Variants in MGAT4C observed in about 807,000 individuals in gnomAD.
MGAT4C encodes the protein MGAT4 family member C.
A neutral mutation model predicts 40.1 loss-of-function variants in MGAT4C; 19 were observed. That is an observed-to-expected ratio of 0.47 (90% CI 0.33 to 0.70). The LOEUF is 0.70. Ranked by LOEUF, MGAT4C falls within the 30% of genes least tolerant of loss-of-function variation. The pLI is 0.02. For missense variants in MGAT4C, 491 were observed against 563.2 expected, an observed-to-expected ratio of 0.87 and a Z score of 1.30; for synonymous variants, 181 against 187.1, an observed-to-expected ratio of 0.97 and a Z score of 0.27.
intron 2 of MGAT4C, chr12:86,001,486 G>A (rs1887288674): frequency 3.6e-6 from 1 of 275,048 alleles, no homozygotes; most frequent in South Asian, 1.4e-4. Context: ...AGAATCCCAA[G>A]CACCTACCTT....
chr12:86,757,113 A>G (rs534022488), intron 1 of MGAT4C, among the ~76,000 whole-genome samples: 2 of 152,072 alleles, frequency 1.3e-5, no homozygotes, highest in African/African-American at 4.8e-5. Flanking sequence ...AACTATCATA[A>G]GAACAGAAAA....
chr12:86,459,538 C>T (rs1002051663), intron 2 of MGAT4C, among the ~76,000 whole-genome samples: 5 of 151,902 alleles, frequency 3.3e-5, no homozygotes, highest in African/African-American at 1.2e-4. Flanking sequence ...CTCACTCATG[C>T]GGTCATAAGG....
At chr12:86,497,596 T>C (rs1171782598) in intron 2 of MGAT4C, among the ~76,000 whole-genome samples, 5 of 151,648 alleles carry the variant, frequency 3.3e-5, no homozygotes, top group Non-Finnish European at 7.4e-5. Context: ...TATATGACAG[T>C]GTCAGGGCAC....
At chr12:86,218,044 C>T (rs1004998908) in intron 1 of MGAT4C, among the ~76,000 whole-genome samples, 8 of 151,592 alleles carry the variant, frequency 5.3e-5, no homozygotes, top group African/African-American at 9.7e-5. Flanking sequence ...TCTGCTAAAA[C>T]GAGAACTTTT....
In MGAT4C at chr12:86,424,434, G is replaced by A. The variant is rs112064183; in HGVS notation, c.-120+10723C>T. Among the ~76,000 whole-genome samples the A allele has an allele frequency of 5.8e-3, 880 of 152,166 alleles. 7 individuals carry two copies. The highest frequency in any genetic ancestry group is 0.02 in the African/African-American group (844 of 41,516). On this transcript the variant is annotated intron_variant, in intron 3 of 7. Transcript: ENST00000548651. ...TAAAATTTCTTACCTTTCTTTTGAT[G>A]TGAAAAAATGTTGGCTATATACTTC...
chr12:86,690,542 CA>C (rs1950154847), intron 2 of MGAT4C, among the ~76,000 whole-genome samples: 1 of 152,140 alleles, frequency 6.6e-6, no homozygotes, highest in Non-Finnish European at 1.5e-5. Context: ...CACAGTCCCT[CA>C]AGGGTTCCCT....
intron 2 of MGAT4C, among the ~76,000 whole-genome samples, chr12:86,445,063 A>T (rs1053387439): frequency 6.6e-6 from 1 of 152,174 alleles, no homozygotes; most frequent in African/African-American, 2.4e-5. Flanking sequence ...ATTGCAAAGG[A>T]TCACAAAATT....
intron 2 of MGAT4C, among the ~76,000 whole-genome samples, chr12:86,540,731 A>G (rs898964096): frequency 2.0e-4 from 31 of 151,930 alleles, no homozygotes; most frequent in Admixed American, 1.9e-3. Context: ...GTGAGACTCC[A>G]TCTCCAGAAA....
intron 1 of MGAT4C, among the ~76,000 whole-genome samples, chr12:86,819,783 A>G (rs199971993): frequency 6.6e-6 from 1 of 150,756 alleles, no homozygotes; most frequent in East Asian, 1.9e-4. Context: ...TCATAATTAT[A>G]ATAATGATTA....
In MGAT4C at chr12:85,980,984, G is replaced by A. The variant is rs1010395295; in HGVS notation, c.296-554C>T. On this transcript the variant is annotated intron_variant, in intron 4 of 4. Coordinates refer to ENST00000611864, the MANE Select transcript of MGAT4C (RefSeq NM_001351288.2). ...TATTTTCAGTTTTCTTTTTTTTGCTGTCATTATGTTGTACTAGAATTCGTA... is the reference window on the plus strand; with the variant it reads ...TATTTTCAGTTTTCTTTTTTTTGCTATCATTATGTTGTACTAGAATTCGTA... 1.2e-4 allele frequency among the ~76,000 whole-genome samples: 18 copies of A among 151,732 alleles called. No homozygotes were observed. In the South Asian group the frequency reaches 3.7e-3, roughly 32 times the overall value.
intron 4 of MGAT4C, among the ~76,000 whole-genome samples, chr12:86,287,922 C>T (rs1953397058): frequency 6.6e-6 from 1 of 152,182 alleles, no homozygotes; most frequent in Admixed American, 6.5e-5. Context: ...GAGGAATTGC[C>T]ACACTGTCTT....
intron 2 of MGAT4C, among the ~76,000 whole-genome samples, chr12:86,481,855 A>G (rs187982985): frequency 2.6e-5 from 4 of 151,958 alleles, no homozygotes; most frequent in African/African-American, 9.6e-5. Flanking sequence ...GGCCTCAAGC[A>G]ATTCTCCCAT....
intron 1 of MGAT4C, among the ~76,000 whole-genome samples, chr12:86,737,984 G>A (rs1413463098): frequency 6.6e-6 from 1 of 151,414 alleles, no homozygotes; most frequent in Non-Finnish European, 1.5e-5. Flanking sequence ...TTAAACTTAG[G>A]ACAGATCACA....
intron 1 of MGAT4C, among the ~76,000 whole-genome samples, chr12:86,104,865 T>TG (rs1298587220): frequency 1.3e-5 from 2 of 151,656 alleles, no homozygotes; most frequent in Non-Finnish European, 2.9e-5. Context: ...AAACCTGATT[T>TG]TTTTTTAACA....
At chr12:86,463,233 T>TA (rs556059957) in intron 2 of MGAT4C, among the ~76,000 whole-genome samples, 174 of 152,272 alleles carry the variant, frequency 1.1e-3, no homozygotes, top group African/African-American at 4.1e-3. Flanking sequence ...AGAATTTCTT[T>TA]AAAAAATCAC....
intron 2 of MGAT4C, among the ~76,000 whole-genome samples, chr12:86,616,541 G>A (rs1242705589): frequency 6.6e-6 from 1 of 152,024 alleles, no homozygotes; most frequent in Admixed American, 6.6e-5. Context: ...TATATCATGA[G>A]CAGAAAATGT....
intron 3 of MGAT4C, among the ~76,000 whole-genome samples, chr12:86,389,867 G>A (rs968534967): frequency 4.0e-5 from 6 of 151,880 alleles, no homozygotes; most frequent in African/African-American, 4.8e-5. Context: ...TTTCTCTCTC[G>A]GGGATACAGC....
At chr12:86,088,722 C>T (rs1262418624) in intron 1 of MGAT4C, among the ~76,000 whole-genome samples, 3 of 151,750 alleles carry the variant, frequency 2.0e-5, no homozygotes, top group African/African-American at 7.3e-5. Context: ...AATAGGGCTA[C>T]TATTAAAAGT....
At chr12:86,127,969 A>G (rs1418916969) in intron 1 of MGAT4C, among the ~76,000 whole-genome samples, 1 of 152,242 alleles carries the variant, frequency 6.6e-6, no homozygotes, top group African/African-American at 2.4e-5. Flanking sequence ...ATAATGCTTA[A>G]AAGTATAGTA....
Sources: allele counts gnomAD v4.1 joint callset (sites outside exome capture counted in the v4.1 genomes callset), GRCh38; gene constraint gnomAD v4.1.1; transcripts MANE v1.5; gene names NCBI Gene and HGNC (gene_info 2026-07-23, HGNC 2026-07-21).